The following OTC variants were observed in gnomAD, a reference collection of about 807,000 sequenced individuals.
The protein encoded by OTC is ornithine transcarbamylase, mitochondrial.
In OTC, 3 loss-of-function variants were observed where a neutral mutation model predicts 30.3. That is an observed-to-expected ratio of 0.10 (90% CI 0.05 to 0.26). The LOEUF is 0.26. Among genes scored for constraint, OTC ranks in the 10% least tolerant of loss-of-function variants. OTC has a pLI of 1.00. For missense variants in OTC, 194 were observed against 260.3 expected (o/e 0.75, Z 1.75); for synonymous variants, 111 against 99.7 (o/e 1.11, Z -0.67).
chrX:38,361,968 A>G (rs1400746880), intron 1 of OTC, among the ~76,000 whole-genome samples: 3 of 110,706 alleles, frequency 2.7e-5, no homozygotes, highest in African/African-American at 1.0e-4. Flanking sequence ...CAAATTAAAA[A>G]CTGCCTGTGT....
intron 4 of OTC, among the ~76,000 whole-genome samples, chrX:38,384,815 A>G (rs926740230): frequency 1.8e-5 from 2 of 112,127 alleles, no homozygotes; most frequent in Non-Finnish European, 3.8e-5. Context: ...AGAAAAAAAA[A>G]GAAAGAAAGA....
chrX:38,388,264 A>G (rs1167261627), intron 4 of OTC, among the ~76,000 whole-genome samples: 1 of 111,467 alleles, frequency 9.0e-6, no homozygotes, highest in Non-Finnish European at 1.9e-5. Context: ...AATCAGTCCT[A>G]TTGCTCACTT....
intron 2 of OTC, among the ~76,000 whole-genome samples, chrX:38,368,602 C>T (rs1161767819): frequency 1.9e-5 from 2 of 107,093 alleles, no homozygotes; most frequent in Non-Finnish European, 3.8e-5. Flanking sequence ...ACAATTAATA[C>T]AGTAGCTTCA....
At chrX:38,414,230 A>T (rs1353242559) in intron 9 of OTC, among the ~76,000 whole-genome samples, 1 of 112,502 alleles carries the variant, frequency 8.9e-6, no homozygotes. Context: ...AACTTTCCAA[A>T]ACATCAATTA....
At chrX:38,395,055 C>T (rs1056879601) in intron 4 of OTC, among the ~76,000 whole-genome samples, 8 of 111,084 alleles carry the variant, frequency 7.2e-5, no homozygotes, top group Non-Finnish European at 1.5e-4. Context: ...TCACTGCAAT[C>T]TCCACCTCCC....
chrX:38,387,992 A>G (rs1198577432), intron 4 of OTC, among the ~76,000 whole-genome samples: 7 of 111,695 alleles, frequency 6.3e-5, no homozygotes, highest in Non-Finnish European at 1.3e-4. Context: ...GAACCCTCCT[A>G]AAGTCCAAGT....
the OTC span, among the ~76,000 whole-genome samples, chrX:38,330,759 C>T: frequency 2.0e-4 from 22 of 111,995 alleles, no homozygotes; most frequent in African/African-American, 6.8e-4. Flanking sequence ...AATTCTGAGG[C>T]TGTGTTGTGT....
At chrX:38,379,071 T>C (rs73196227) in intron 3 of OTC, among the ~76,000 whole-genome samples, 18,236 of 110,883 alleles carry the variant, frequency 0.16, 1,360 homozygotes, top group Middle Eastern at 0.23. Flanking sequence ...ACATCAGAAA[T>C]GGGGTCAGAA....
rs749645496 is a variant in OTC, at chrX:38,406,235, T to C, written c.663+2495T>C. Among the ~76,000 whole-genome samples, 8 of 112,131 alleles carry C rather than the reference T, an allele frequency of 7.1e-5. No homozygotes were observed. The South Asian group carries it at 3.0e-3, about 42-fold the overall frequency. On this transcript the variant is annotated intron_variant, in intron 6 of 9. Coordinates refer to ENST00000039007, the MANE Select transcript of OTC (RefSeq NM_000531.6). ...TTTAAAGATAAAGCTAGGAGATTTATTGTAAATTTTAGAAACACTGAAACG... is the reference window on the plus strand; with the variant it reads ...TTTAAAGATAAAGCTAGGAGATTTACTGTAAATTTTAGAAACACTGAAACG...
At chrX:38,368,013 C>G (rs771622912) in intron 2 of OTC, among the ~76,000 whole-genome samples, 1 of 111,178 alleles carries the variant, frequency 9.0e-6, no homozygotes, top group Admixed American at 9.6e-5. Context: ...CCACCGTGCC[C>G]GGCCAAGATT....
chrX:38,334,621 A>G, the OTC span, among the ~76,000 whole-genome samples: 1 of 112,705 alleles, frequency 8.9e-6, no homozygotes, highest in African/African-American at 3.2e-5. Context: ...ATTTGTATGC[A>G]TGTGCTACTG....
chrX:38,402,908 G>A lies in OTC; in HGVS notation c.541-710G>A, dbSNP rs866552676. Among the ~76,000 whole-genome samples, 5 of 110,885 alleles carry A rather than the reference G, an allele frequency of 4.5e-5. No individual in the cohort carries two copies. The Admixed American group carries it at 4.8e-4, about 11-fold the overall frequency. ...CAACTCACTGCAACCTCCGCCTCCC[G>A]GGTTCAAGCGATTCTTGTGCCTCAG... On this transcript the variant is annotated intron_variant, in intron 5 of 9. Transcript: ENST00000039007.
At chrX:38,391,783 A>G (rs2068429794) in intron 4 of OTC, among the ~76,000 whole-genome samples, 1 of 111,747 alleles carries the variant, frequency 8.9e-6, no homozygotes, top group Non-Finnish European at 1.9e-5. Flanking sequence ...TATTAAGACC[A>G]AGAATTAGCC....
At chrX:38,338,073 A>G in the OTC span, among the ~76,000 whole-genome samples, 4 of 111,984 alleles carry the variant, frequency 3.6e-5, no homozygotes, top group African/African-American at 9.7e-5. Flanking sequence ...TTCCATGTCA[A>G]TTTTCCAGCT....
chrX:38,332,504 TTATATATATATATATATATA>T, the OTC span, among the ~76,000 whole-genome samples: 6 of 39,381 alleles, frequency 1.5e-4, no homozygotes, highest in Non-Finnish European at 2.8e-4. Context: ...GCCCTAGATT[TTATATATATATATATATATA>T]TATATATATC....
chrX:38,378,585 G>T (rs1205656415), intron 3 of OTC, among the ~76,000 whole-genome samples: 3 of 111,667 alleles, frequency 2.7e-5, no homozygotes, highest in Non-Finnish European at 3.8e-5. Flanking sequence ...AGTAGTCAAA[G>T]ACTTGTATCT....
upstream of OTC, among the ~76,000 whole-genome samples, chrX:38,348,335 C>T (rs2068198976): frequency 8.9e-6 from 1 of 111,771 alleles, no homozygotes; most frequent in African/African-American, 3.3e-5. Flanking sequence ...CATATGTCTT[C>T]TTGTCTGCCC....
At chrX:38,391,160 C>T (rs759353387) in intron 4 of OTC, among the ~76,000 whole-genome samples, 12 of 110,209 alleles carry the variant, frequency 1.1e-4, no homozygotes, top group Non-Finnish European at 7.6e-5. Flanking sequence ...AACCAAACAC[C>T]GCATGTTCTC....
At chrX:38,334,019 G>A in the OTC span, among the ~76,000 whole-genome samples, 8 of 111,919 alleles carry the variant, frequency 7.1e-5, no homozygotes, top group Non-Finnish European at 7.5e-5. Flanking sequence ...ATTTTATTAC[G>A]CCAGAGAAGA....
Sources: gnomAD v4.1 joint callset for allele counts (sites outside exome capture counted in the v4.1 genomes callset) on GRCh38, gnomAD v4.1.1 for gene constraint, MANE v1.5 for transcripts, NCBI Gene and HGNC (gene_info 2026-07-23, HGNC 2026-07-21) for gene names.